Variants in PRKCSH observed in about 807,000 individuals in gnomAD.
PRKCSH encodes the protein glucosidase 2 subunit beta.
In PRKCSH, 42 loss-of-function variants were observed where a neutral mutation model predicts 79.7. That is an observed-to-expected ratio of 0.53 (90% CI 0.41 to 0.68). The LOEUF (loss-of-function observed/expected upper bound fraction) is 0.68, where lower values mean the gene tolerates loss of function less well. PRKCSH is among the 30% of genes least tolerant of loss of function. PRKCSH has a pLI of 0.00. For missense variants in PRKCSH, 686 were observed against 709.0 expected (o/e 0.97, Z 0.37); for synonymous variants, 325 against 288.2 (o/e 1.13, Z -1.29).
intron 3 of PRKCSH, 150 bp from the exon 4 acceptor site, chr19:11,437,726 C>T (rs1179726293): frequency 2.7e-6 from 2 of 753,510 alleles, no homozygotes; most frequent in Admixed American, 2.0e-5. Context: ...CGAGCCCTGG[C>T]TGTGCAGTGT....
chr19:11,448,475 C>T lies in PRKCSH; in HGVS notation c.1197-65C>T. On this transcript the variant is annotated intron_variant, in intron 13 of 17. Transcript: ENST00000677123. The surrounding 1 kb of genome is among the most constrained non-coding windows in gnomAD (Gnocchi z 4.4). ...ATTGCTCAGCCAGACCCTCCTGTGT[C>T]TGTCGTCCTGGGTCAGGCACTGGCG... is the stretch of plus-strand genomic sequence containing the variant. The T allele has an allele frequency of 1.3e-6, 2 of 1,514,638 alleles. No individual in the cohort carries two copies. Among genetic ancestry groups the T allele is most frequent in the African/African-American group, 1.4e-5 (1 of 72,918 alleles). The allele number at this position is 1,514,638 out of a possible 1,614,324, so 93.8% of individuals were successfully genotyped here.
rs766387114 is a variant in PRKCSH, at chr19:11,449,250, G to A, written c.1462-16G>A. On this transcript the variant is annotated splice_polypyrimidine_tract_variant and intron_variant, in intron 16 of 17. Coordinates refer to ENST00000677123, the MANE Select transcript of PRKCSH (RefSeq NM_001289104.2). This position sits in a 1 kb window ranked among gnomAD's most constrained non-coding sequence, Gnocchi z 6.4. ...CCCAGCCGAACCCTCTCGAGCACCC[G>A]TCTGCCCATCCCCAGGTGCGCCTCC... 3.2e-5 allele frequency: 51 copies of A among 1,613,552 alleles called. No individual in the cohort carries two copies. The highest frequency in any genetic ancestry group is 2.3e-4 in the South Asian group (21 of 91,084).
chr19:11,436,716 C>G lies in PRKCSH; in HGVS notation c.196+211C>G. On this transcript the variant is annotated intron_variant, in intron 3 of 17. Transcript: ENST00000677123. ...AGCCTCGGGGTCAGAGAAGGCTCCTCCAAGGAGGTGAGGTTTCAGTTGAAT... is the reference window on the plus strand; with the variant it reads ...AGCCTCGGGGTCAGAGAAGGCTCCTGCAAGGAGGTGAGGTTTCAGTTGAAT... 3 of 560,422 alleles carry G rather than the reference C, an allele frequency of 5.4e-6. No homozygotes were observed. The South Asian group carries it at 5.8e-5, about 11-fold the overall frequency. 34.7% of individuals were successfully genotyped at this position (560,422 alleles called of 1,614,324 possible). A position where few individuals can be genotyped will look rare whatever the true frequency, so the allele number is the denominator to read the frequency against.
At position 11,447,294 on chromosome 19, in the gene PRKCSH, AC is replaced by A; in HGVS notation, c.850-139del. ...GGTGGCCCCAGCACCCCCCACCGAG[AC>A]CCCCCGACCCCAGCTGTCGGTCCTC... is the stretch of plus-strand genomic sequence containing the variant. On this transcript the variant is annotated intron_variant, in intron 10 of 17. Transcript: ENST00000677123. The surrounding 1 kb of genome is among the most constrained non-coding windows in gnomAD (Gnocchi z 5.6). 7.4e-6 allele frequency: 9 copies of A among 1,208,786 alleles called. No homozygotes were observed. Among genetic ancestry groups the A allele is most frequent in the Non-Finnish European group, 1.1e-5 (9 of 856,022 alleles). 74.9% of individuals were successfully genotyped at this position (1,208,786 alleles called of 1,614,324 possible). A position where few individuals can be genotyped will look rare whatever the true frequency, so the allele number is the denominator to read the frequency against.
rs755066870 is a variant in PRKCSH, at chr19:11,446,267, C to T, written c.684-5C>T. On this transcript the variant is annotated splice_region_variant and splice_polypyrimidine_tract_variant and intron_variant, in intron 8 of 17. Coordinates refer to ENST00000677123, the MANE Select transcript of PRKCSH (RefSeq NM_001289104.2). ...CTCCAGTCTGCTTCTGCCACGCCCC[C>T]GCAGGGTCTCGGTGACTGAGCTGCA... 33 of 1,613,246 alleles carry T rather than the reference C, an allele frequency of 2.0e-5. 1 individual carries two copies. The highest frequency in any genetic ancestry group is 6.6e-5 in the South Asian group (6 of 91,044).
chr19:11,447,697 C>A lies in PRKCSH; in HGVS notation c.1034C>A (p.Ala345Asp). The part of the protein sequence containing the change: ...SEVQGEQPKE[A>D]PPPLSPPQPA... ...CTGACCCTGCCCCTGCCCCAGGAGG[C>A]CCCACCGCCACTGTCACCCCCGCAG... Residue 345 changes from alanine (A) to aspartate (D), a missense_variant, in exon 12 of 18, where the codon GCC (alanine) becomes GAC (aspartate). Ala to Asp is a moderately radical substitution (Grantham distance 126). Coordinates refer to ENST00000677123, the MANE Select transcript of PRKCSH (RefSeq NM_001289104.2). The surrounding 1 kb of genome is among the most constrained non-coding windows in gnomAD (Gnocchi z 5.6). The A allele has an allele frequency of 6.4e-7, 1 of 1,573,312 alleles. No homozygotes were observed. Among genetic ancestry groups the A allele is most frequent in the Admixed American group, 1.8e-5 (1 of 55,564 alleles).
chr19:11,449,218 G>T lies in PRKCSH; in HGVS notation c.1461+43G>T. The T allele has an allele frequency of 6.2e-7, 1 of 1,613,626 alleles. No individual in the cohort carries two copies. Among genetic ancestry groups the T allele is most frequent in the East Asian group, 2.2e-5 (1 of 44,884 alleles). On this transcript the variant is annotated intron_variant, in intron 16 of 17. Coordinates refer to ENST00000677123, the MANE Select transcript of PRKCSH (RefSeq NM_001289104.2). This position sits in a 1 kb window ranked among gnomAD's most constrained non-coding sequence, Gnocchi z 6.4. Reference sequence around the variant, plus strand: ...AGGGGAGCTGGGGCGGGGAGACCCAGGCCTGGCCCAGCCGAACCCTCTCGA... The same window carrying T: ...AGGGGAGCTGGGGCGGGGAGACCCATGCCTGGCCCAGCCGAACCCTCTCGA...
chr19:11,437,594 C>G (rs574973978), intron 3 of PRKCSH, among the ~76,000 whole-genome samples: 1 of 152,252 alleles, frequency 6.6e-6, no homozygotes, highest in East Asian at 1.9e-4. Context: ...CTCAGGTGAC[C>G]CACCCGCCTC....
At chr19:11,440,399 G>A (rs111863348) in intron 5 of PRKCSH, among the ~76,000 whole-genome samples, 2 of 151,232 alleles carry the variant, frequency 1.3e-5, no homozygotes, top group South Asian at 2.1e-4. Flanking sequence ...TGATCTGCCC[G>A]CCTCGGTCTC....
Position 11,448,301 on chromosome 19 carries a change from G to C in PRKCSH, c.1196+10G>C, listed in dbSNP as rs767731958. 3.8e-6 allele frequency: 6 copies of C among 1,569,952 alleles called. No individual in the cohort carries two copies. The East Asian group carries it at 1.4e-4, about 37-fold the overall frequency. On this transcript the variant is annotated intron_variant, in intron 13 of 17. Coordinates refer to ENST00000677123, the MANE Select transcript of PRKCSH (RefSeq NM_001289104.2). The surrounding 1 kb of genome is among the most constrained non-coding windows in gnomAD (Gnocchi z 4.4). ...TGGAGGAGTCCATCAGGTAGCGGGG[G>C]CTGAGGAGCGGGGACACCTGTCCCA...
At chr19:11,438,163 A>G in intron 5 of PRKCSH, 39 bp downstream of exon 5, 1 of 1,609,794 alleles carries the variant, frequency 6.2e-7, no homozygotes, top group East Asian at 2.2e-5. Context: ...ACCCCACCCC[A>G]AGACTTTGCC....
intron 7 of PRKCSH, among the ~76,000 whole-genome samples, chr19:11,443,531 T>G (rs1433302230): frequency 9.1e-5 from 13 of 142,858 alleles, no homozygotes; most frequent in South Asian, 4.4e-4. Context: ...GGCAACAGAG[T>G]GAGACTCCGT....
rs1174871771 is a variant in PRKCSH, at chr19:11,448,014, C to T, written c.1127-208C>T. On this transcript the variant is annotated intron_variant, in intron 12 of 17. Coordinates refer to ENST00000677123, the MANE Select transcript of PRKCSH (RefSeq NM_001289104.2). This position sits in a 1 kb window ranked among gnomAD's most constrained non-coding sequence, Gnocchi z 4.4. ...CAAGGGCCGCAGCTTGTTTGTGTCA[C>T]TCCTGGCCCCACTCGCTCAGGAGCT... The T allele has an allele frequency of 6.6e-6, 5 of 752,902 alleles. No individual in the cohort carries two copies. The highest frequency in any genetic ancestry group is 1.7e-5 in the African/African-American group (1 of 57,166). The allele number at this position is 752,902 out of a possible 1,614,324, so 46.6% of individuals were successfully genotyped here.
rs558129746 is a variant in PRKCSH, at chr19:11,445,979, A to T, written c.684-293A>T. 3 of 554,466 alleles carry T rather than the reference A, an allele frequency of 5.4e-6. No individual in the cohort carries two copies. The East Asian group carries it at 9.2e-5, about 17-fold the overall frequency. 34.3% of individuals were successfully genotyped at this position (554,466 alleles called of 1,614,324 possible). A position where few individuals can be genotyped will look rare whatever the true frequency, so the allele number is the denominator to read the frequency against. ...GGGGACCAAGGCAGATGGCAGCTTC[A>T]ATGTGCCGGGTCCTGGGGTGGAAGG... On this transcript the variant is annotated intron_variant, in intron 8 of 17. Coordinates refer to ENST00000677123, the MANE Select transcript of PRKCSH (RefSeq NM_001289104.2).
At position 11,449,067 on chromosome 19, in the gene PRKCSH, C is replaced by T. The variant is rs1970464630; in HGVS notation, c.1362-9C>T. ...CGGCCCAGCCCTCAGCACCCTGTGT[C>T]TCTCACAGCACCTGGGGCTCATGGA... is the stretch of plus-strand genomic sequence containing the variant. On this transcript the variant is annotated splice_polypyrimidine_tract_variant and intron_variant, in intron 15 of 17. Transcript: ENST00000677123. This position sits in a 1 kb window ranked among gnomAD's most constrained non-coding sequence, Gnocchi z 6.4. 1 of 1,613,332 alleles carries T rather than the reference C, an allele frequency of 6.2e-7. No individual in the cohort carries two copies. The highest frequency in any genetic ancestry group is 1.3e-5 in the African/African-American group (1 of 74,936).
chr19:11,442,173 G>A (rs1359642718), intron 6 of PRKCSH, among the ~76,000 whole-genome samples: 1 of 152,186 alleles, frequency 6.6e-6, no homozygotes, highest in Non-Finnish European at 1.5e-5. Context: ...ATCAGGCAGG[G>A]GCCTGATTAC....
At position 11,448,453 on chromosome 19, in the gene PRKCSH, G is replaced by T. The variant is rs1970428671; in HGVS notation, c.1197-87G>T. On this transcript the variant is annotated intron_variant, in intron 13 of 17. Coordinates refer to ENST00000677123, the MANE Select transcript of PRKCSH (RefSeq NM_001289104.2). The surrounding 1 kb of genome is among the most constrained non-coding windows in gnomAD (Gnocchi z 4.4). ...CAGGGAGGACAGCCTGGGCACCATTGCTCAGCCAGACCCTCCTGTGTCTGT... is the reference window on the plus strand; with the variant it reads ...CAGGGAGGACAGCCTGGGCACCATTTCTCAGCCAGACCCTCCTGTGTCTGT... 2.0e-6 allele frequency: 3 copies of T among 1,477,586 alleles called. No individual in the cohort carries two copies. The highest frequency in any genetic ancestry group is 2.8e-6 in the Non-Finnish European group (3 of 1,058,428). 91.5% of individuals were successfully genotyped at this position (1,477,586 alleles called of 1,614,324 possible). A position where few individuals can be genotyped will look rare whatever the true frequency, so the allele number is the denominator to read the frequency against.
intron 3 of PRKCSH, among the ~76,000 whole-genome samples, chr19:11,437,584 C>T (rs1212024793): frequency 1.4e-5 from 2 of 145,686 alleles, no homozygotes; most frequent in African/African-American, 2.6e-5. Context: ...AACTCATCAC[C>T]TCAGGTGACC....
At position 11,436,118 on chromosome 19, in the gene PRKCSH, A is replaced by ATGCTGTTGCCGC. The variant is rs1211373901; in HGVS notation, c.7_18dup (p.Pro4_Leu7dup). The ATGCTGTTGCCGC allele has an allele frequency of 6.2e-7, 1 of 1,608,772 alleles. No homozygotes were observed. The highest frequency in any genetic ancestry group is 1.7e-5 in the Admixed American group (1 of 59,974). ...TTCGGGCCTCAGAGCGTCTGGTGAG[A>ATGCTGTTGCCGC]TGCTGTTGCCGCTGCTGCTGCTGCT... On this transcript the variant is annotated inframe_insertion, in exon 2 of 18. Transcript: ENST00000677123.
Sources: allele counts gnomAD v4.1 joint callset (sites outside exome capture counted in the v4.1 genomes callset), GRCh38; gene constraint gnomAD v4.1.1; non-coding constraint Gnocchi (gnomAD v3.1); transcripts MANE v1.5; gene names NCBI Gene and HGNC (gene_info 2026-07-23, HGNC 2026-07-21).